The following LINGO2 variants were observed in gnomAD, a reference collection of about 807,000 sequenced individuals.
LINGO2 encodes leucine rich repeat and Ig domain containing 2.
Under a neutral mutation model 30.6 loss-of-function variants are expected in LINGO2, and 14 were observed. The ratio of observed to expected loss-of-function variants is 0.46; its 90% CI spans 0.30 to 0.72. The LOEUF (loss-of-function observed/expected upper bound fraction) is 0.72. Among genes scored for constraint, LINGO2 ranks in the 30% least tolerant of loss-of-function variants. The pLI is 0.07. For synonymous variants in LINGO2, 317 were observed against 288.5 expected (o/e 1.10, Z -1.00); for missense variants, 729 against 751.7 (o/e 0.97, Z 0.35).
the LINGO2 span, among the ~76,000 whole-genome samples, chr9:28,988,574 C>T: frequency 3.6e-3 from 555 of 152,240 alleles, 2 homozygotes; most frequent in African/African-American, 0.013. Flanking sequence ...ACATTTTGTT[C>T]ACTGTTTTCT....
the LINGO2 span, among the ~76,000 whole-genome samples, chr9:28,783,293 T>A: frequency 7.0e-4 from 107 of 152,304 alleles, no homozygotes; most frequent in East Asian, 0.013. Context: ...TGTATTTATA[T>A]ATAACCTGTG....
chr9:28,807,244 C>T, the LINGO2 span, among the ~76,000 whole-genome samples: 2 of 151,936 alleles, frequency 1.3e-5, no homozygotes, highest in East Asian at 3.9e-4. Context: ...AGGATGGTCT[C>T]GATCTCCTGA....
At chr9:28,029,801 T>G (rs1438094863) in intron 4 of LINGO2, among the ~76,000 whole-genome samples, 2 of 152,228 alleles carry the variant, frequency 1.3e-5, no homozygotes, top group African/African-American at 4.8e-5. Flanking sequence ...GTTCCTGGCA[T>G]GTACAAATTC....
At chr9:28,164,351 T>A (rs1174235577) in intron 4 of LINGO2, among the ~76,000 whole-genome samples, 1 of 152,198 alleles carries the variant, frequency 6.6e-6, no homozygotes, top group Non-Finnish European at 1.5e-5. Context: ...TATAAATTTG[T>A]CGAATGTTAC....
At chr9:29,160,996 C>T in the LINGO2 span, among the ~76,000 whole-genome samples, 5 of 152,258 alleles carry the variant, frequency 3.3e-5, no homozygotes, top group East Asian at 5.8e-4. Flanking sequence ...CTCGGGCTGG[C>T]GCCCAAAGAA....
chr9:28,405,319 A>G (rs1822456230), intron 2 of LINGO2, among the ~76,000 whole-genome samples: 1 of 152,160 alleles, frequency 6.6e-6, no homozygotes, highest in South Asian at 2.1e-4. Context: ...CAATTGAAAT[A>G]GAATTGGGTC....
chr9:29,081,359 A>C, the LINGO2 span, among the ~76,000 whole-genome samples: 6 of 152,178 alleles, frequency 3.9e-5, no homozygotes, highest in Admixed American at 6.5e-5. Flanking sequence ...GATGCAGAAA[A>C]GGCTTGTGAA....
chr9:28,588,596 T>C (rs1314087080), intron 1 of LINGO2, among the ~76,000 whole-genome samples: 1 of 115,804 alleles, frequency 8.6e-6, no homozygotes, highest in Non-Finnish European at 1.7e-5. Context: ...TGAGTTCAGG[T>C]TAAAACAAAC....
At chr9:28,479,956 T>TACAC (rs1491144467) in intron 1 of LINGO2, among the ~76,000 whole-genome samples, 12 of 105,026 alleles carry the variant, frequency 1.1e-4, no homozygotes, top group African/African-American at 3.6e-4. Context: ...TATATATATA[T>TACAC]GTACATTTTG....
the LINGO2 span, among the ~76,000 whole-genome samples, chr9:29,202,001 T>G: frequency 5.9e-5 from 9 of 152,154 alleles, no homozygotes; most frequent in Non-Finnish European, 8.8e-5. Context: ...GAAACAGTAT[T>G]ACTATGGTTT....
At position 28,603,198 on chromosome 9, in the gene LINGO2, C is replaced by T. The variant is rs559806069; in HGVS notation, c.-365+67002G>A. Among the ~76,000 whole-genome samples, 25 of 152,086 alleles carry T rather than the reference C, an allele frequency of 1.6e-4. No individual in the cohort carries two copies. In the South Asian group the frequency reaches 5.0e-3, roughly 30 times the overall value. ...ACACCCTGATCCTCTACAGCAAGTT[C>T]ACAATAAAAGTCTGTACAGAATTAG... On this transcript the variant is annotated intron_variant, in intron 1 of 5. Coordinates refer to ENST00000379992, the Ensembl canonical transcript of LINGO2.
chr9:28,606,892 C>A (rs978921285), intron 1 of LINGO2, among the ~76,000 whole-genome samples: 2 of 152,000 alleles, frequency 1.3e-5, no homozygotes, highest in African/African-American at 4.8e-5. Flanking sequence ...TTTGTTCTGA[C>A]AAGTGTTCTT....
intron 2 of LINGO2, among the ~76,000 whole-genome samples, chr9:28,446,836 C>A (rs1452831130): frequency 6.6e-6 from 1 of 152,182 alleles, no homozygotes; most frequent in Non-Finnish European, 1.5e-5. Flanking sequence ...TCCCTTTGGG[C>A]TAAAATCTAA....
At chr9:28,885,092 T>TC in the LINGO2 span, among the ~76,000 whole-genome samples, 1 of 141,508 alleles carries the variant, frequency 7.1e-6, no homozygotes, top group Non-Finnish European at 1.5e-5. Context: ...CACTGCAGGG[T>TC]CCCCTCCCTT....
chr9:28,994,741 C>A, the LINGO2 span, among the ~76,000 whole-genome samples: 10 of 152,164 alleles, frequency 6.6e-5, no homozygotes, highest in Non-Finnish European at 1.3e-4. Flanking sequence ...TGATCTTTGA[C>A]AAACCTGAGA....
At chr9:28,051,399 ACT>A (rs1402255410) in intron 4 of LINGO2, among the ~76,000 whole-genome samples, 1 of 152,112 alleles carries the variant, frequency 6.6e-6, no homozygotes, top group Non-Finnish European at 1.5e-5. Flanking sequence ...TCATTTGTCC[ACT>A]GATTCTGGAA....
the LINGO2 span, among the ~76,000 whole-genome samples, chr9:29,169,810 C>T: frequency 1.3e-5 from 2 of 152,134 alleles, no homozygotes; most frequent in Non-Finnish European, 2.9e-5. Context: ...ACCATCCTGG[C>T]CAACATGGTG....
intron 2 of LINGO2, among the ~76,000 whole-genome samples, chr9:28,450,003 G>A (rs1273837517): frequency 6.6e-6 from 1 of 151,948 alleles, no homozygotes; most frequent in Non-Finnish European, 1.5e-5. Flanking sequence ...ACACCATTCC[G>A]CATTACTCAT....
Position 28,649,758 on chromosome 9 carries a change from T to C in LINGO2, c.-365+20442A>G, listed in dbSNP as rs867581480. On this transcript the variant is annotated intron_variant, in intron 1 of 5. Coordinates refer to ENST00000379992, the Ensembl canonical transcript of LINGO2. ...GTTGGGAATGGGGGGAGGAGAAAAC[T>C]GAGGATGTGAAAAATTAAAAAAATA... 4.1e-4 allele frequency among the ~76,000 whole-genome samples: 62 copies of C among 151,754 alleles called. 1 individual carries two copies. In the Middle Eastern group the frequency reaches 0.021, roughly 50 times the overall value.
Sources: allele counts gnomAD v4.1 joint callset (sites outside exome capture counted in the v4.1 genomes callset), GRCh38; gene constraint gnomAD v4.1.1; transcripts MANE v1.5; gene names NCBI Gene and HGNC (gene_info 2026-07-23, HGNC 2026-07-21).